Variants in RARB observed in about 807,000 individuals in gnomAD.
RARB encodes the protein HBV-activated protein.
RARB carries 17 observed loss-of-function variants against 51.9 expected under a neutral mutation model. The observed-to-expected ratio is 0.33, with a 90% CI of 0.22 to 0.49. RARB has a LOEUF of 0.49. RARB is among the 20% of genes least tolerant of loss of function. RARB has a pLI of 0.99. For synonymous variants in RARB, 215 were observed against 195.4 expected (o/e 1.10, Z -0.84); for missense variants, 369 against 550.8 (o/e 0.67, Z 3.30).
intron 3 of RARB, among the ~76,000 whole-genome samples, chr3:25,111,824 G>A (rs1218351057): frequency 6.6e-6 from 1 of 152,004 alleles, no homozygotes; most frequent in Non-Finnish European, 1.5e-5. Context: ...TGATCCGCCT[G>A]CCTCAGCCCC....
intron 5 of RARB, among the ~76,000 whole-genome samples, chr3:25,583,117 A>G (rs113842711): frequency 0.012 from 1,818 of 152,266 alleles, 42 homozygotes; most frequent in African/African-American, 0.042. Context: ...TTAAAGGGCA[A>G]AGACCTCCAA....
At chr3:24,948,558 T>C (rs923357700) in intron 2 of RARB, among the ~76,000 whole-genome samples, 6 of 152,168 alleles carry the variant, frequency 3.9e-5, no homozygotes, top group South Asian at 2.1e-4. Flanking sequence ...CATGTTGTGA[T>C]TGAGTGTTAT....
chr3:25,354,946 A>G (rs1705687958), intron 5 of RARB, among the ~76,000 whole-genome samples: 1 of 151,710 alleles, frequency 6.6e-6, no homozygotes, highest in Admixed American at 6.6e-5. Context: ...TGAAACCATG[A>G]GCACACACTC....
chr3:24,968,984 C>G (rs906289080), intron 2 of RARB, among the ~76,000 whole-genome samples: 3 of 149,408 alleles, frequency 2.0e-5, no homozygotes, highest in African/African-American at 7.4e-5. Context: ...ATTTGGTCAT[C>G]TTTTTTTTTT....
At chr3:24,962,367 CCTCTA>C (rs1696159954) in intron 2 of RARB, among the ~76,000 whole-genome samples, 1 of 152,134 alleles carries the variant, frequency 6.6e-6, no homozygotes, top group African/African-American at 2.4e-5. Context: ...ACATTCCTGT[CCTCTA>C]CTCACTAGAT....
intron 4 of RARB, among the ~76,000 whole-genome samples, chr3:25,152,697 G>T (rs539924651): frequency 6.6e-6 from 1 of 152,154 alleles, no homozygotes; most frequent in South Asian, 2.1e-4. Flanking sequence ...TATTTTTAAA[G>T]GCTCTACATA....
chr3:25,595,988 A>G (rs1701805850), intron 7 of RARB, among the ~76,000 whole-genome samples: 1 of 152,222 alleles, frequency 6.6e-6, no homozygotes, highest in Non-Finnish European at 1.5e-5. Context: ...TTAATGGTGT[A>G]AAATAAGGAT....
At chr3:25,469,280 G>T (rs187493704) in intron 2 of RARB, among the ~76,000 whole-genome samples, 45 of 152,300 alleles carry the variant, frequency 3.0e-4, no homozygotes, top group Non-Finnish European at 7.4e-5. Context: ...TACTTTAAAT[G>T]AGCTTAATGA....
chr3:24,901,299 A>G (rs1432991282), intron 2 of RARB, among the ~76,000 whole-genome samples: 3 of 152,250 alleles, frequency 2.0e-5, no homozygotes, highest in Non-Finnish European at 4.4e-5. Context: ...TAAAGCAATT[A>G]AGAATTTCTT....
intron 5 of RARB, among the ~76,000 whole-genome samples, chr3:25,341,390 A>C (rs1199104987): frequency 6.6e-6 from 1 of 152,202 alleles, no homozygotes; most frequent in African/African-American, 2.4e-5. Context: ...GAGTAGAAAA[A>C]GGTTGTGGAA....
At chr3:25,367,314 G>A (rs111897484) in intron 5 of RARB, among the ~76,000 whole-genome samples, 6,576 of 152,206 alleles carry the variant, frequency 0.043, 486 homozygotes, top group African/African-American at 0.15. Flanking sequence ...ACTTTGACAG[G>A]AGAATTTTCT....
chr3:25,398,809 A>T (rs1395583078), intron 5 of RARB, among the ~76,000 whole-genome samples: 4 of 152,254 alleles, frequency 2.6e-5, no homozygotes, highest in African/African-American at 9.6e-5. Flanking sequence ...GCATGTGTAT[A>T]TAAATGTTCT....
intron 5 of RARB, among the ~76,000 whole-genome samples, chr3:25,251,372 C>G (rs1702715320): frequency 6.6e-6 from 1 of 151,878 alleles, no homozygotes; most frequent in Non-Finnish European, 1.5e-5. Context: ...TTTCAATTTT[C>G]TTGGGTATAT....
intron 1 of RARB, among the ~76,000 whole-genome samples, chr3:24,839,719 A>AGGGGGG (rs58994202): frequency 4.8e-5 from 2 of 41,360 alleles, no homozygotes; most frequent in Non-Finnish European, 1.0e-4. Flanking sequence ...AAAAAAAAAA[A>AGGGGGG]GGGGGGGGGG....
At chr3:25,323,880 C>T (rs1406764355) in intron 5 of RARB, among the ~76,000 whole-genome samples, 1 of 152,146 alleles carries the variant, frequency 6.6e-6, no homozygotes, top group African/African-American at 2.4e-5. Context: ...GTTTATCTCC[C>T]TTCTTAAACA....
At chr3:24,940,783 T>C (rs896119381) in intron 2 of RARB, among the ~76,000 whole-genome samples, 72 of 152,292 alleles carry the variant, frequency 4.7e-4, no homozygotes, top group African/African-American at 1.6e-3. Flanking sequence ...GGCTCAGGGA[T>C]TGAGGTCGGC....
chr3:25,496,539 T>C (rs1697043976), intron 2 of RARB, among the ~76,000 whole-genome samples: 1 of 152,206 alleles, frequency 6.6e-6, no homozygotes, highest in Admixed American at 6.5e-5. Flanking sequence ...AATGGATAAA[T>C]GCACAGTGCC....
chr3:25,154,271 G>T (rs917482828), intron 4 of RARB, among the ~76,000 whole-genome samples: 9 of 152,158 alleles, frequency 5.9e-5, no homozygotes, highest in African/African-American at 2.2e-4. Context: ...CATCCTTTCT[G>T]AAGCCTTTTG....
intron 2 of RARB, among the ~76,000 whole-genome samples, chr3:24,943,544 A>G (rs150597760): frequency 9.2e-5 from 14 of 152,318 alleles, no homozygotes; most frequent in African/African-American, 3.4e-4. Flanking sequence ...AGCTTAAGGA[A>G]TTACCTAAAT....
Sources: gnomAD v4.1 joint callset for allele counts (sites outside exome capture counted in the v4.1 genomes callset) on GRCh38, gnomAD v4.1.1 for gene constraint, MANE v1.5 for transcripts, NCBI Gene and HGNC (gene_info 2026-07-23, HGNC 2026-07-21) for gene names.